Variants in SRFBP1 observed in about 807,000 individuals in gnomAD.
The protein encoded by SRFBP1 is serum response factor binding protein 1.
Under a neutral mutation model 45.5 loss-of-function variants are expected in SRFBP1, and 47 were observed. The ratio of observed to expected loss-of-function variants is 1.03; its 90% CI spans 0.82 to 1.32. SRFBP1 has a LOEUF of 1.32. Among genes scored for constraint, SRFBP1 ranks in the 40% most tolerant of loss-of-function variants. The pLI is 0.00. For missense variants in SRFBP1, 621 were observed against 484.6 expected, an observed-to-expected ratio of 1.28 and a Z score of -2.64; for synonymous variants, 203 against 166.3, an observed-to-expected ratio of 1.22 and a Z score of -1.70.
At chr5:121,981,234 A>G (rs180922831) in intron 3 of SRFBP1, among the ~76,000 whole-genome samples, 2,811 of 152,206 alleles carry the variant, frequency 0.018, 63 homozygotes, top group Middle Eastern at 0.054. Flanking sequence ...ATGAAGAAGA[A>G]TAAGTAAAAG....
intron 2 of SRFBP1, among the ~76,000 whole-genome samples, chr5:122,044,858 T>C (rs1256451851): frequency 6.6e-6 from 1 of 151,876 alleles, no homozygotes; most frequent in Non-Finnish European, 1.5e-5. Flanking sequence ...AGCTCTTTAA[T>C]TTAACTAGGT....
intron 2 of SRFBP1, among the ~76,000 whole-genome samples, chr5:122,034,787 C>CT (rs1216189128): frequency 6.6e-6 from 1 of 151,292 alleles, no homozygotes; most frequent in Admixed American, 6.6e-5. Context: ...AAAAAAAAGA[C>CT]TCATGGAAAG....
rs561359097 is a variant in SRFBP1, at chr5:122,042,705, A to G, written n.311+20298A>G. Among the ~76,000 whole-genome samples, 6 of 152,264 alleles carry G rather than the reference A, an allele frequency of 3.9e-5. No homozygotes were observed. In the South Asian group the frequency reaches 1.2e-3, roughly 32 times the overall value. On this transcript the variant is annotated intron_variant and non_coding_transcript_variant, in intron 2 of 2. Transcript: ENST00000504881. ...TTTTTCTTTGTGTGCTCTTTTAGCC[A>G]TATCCCATAGGTTCCAATGCATTGT... is the stretch of plus-strand genomic sequence containing the variant.
At chr5:122,022,337 TA>T (rs1180945030) in intron 6 of SRFBP1, 32 bp from the exon 7 acceptor site, 11 of 1,575,978 alleles carry the variant, frequency 7.0e-6, no homozygotes, top group Admixed American at 1.8e-5. Flanking sequence ...GATTTATCTT[TA>T]AAAAGTCATA....
intron 2 of SRFBP1, chr5:122,064,335 A>G (rs1191766142): frequency 1.3e-5 from 2 of 151,936 alleles, no homozygotes; most frequent in Admixed American, 1.3e-4. Flanking sequence ...AAGTTCAGTA[A>G]TACAGAGTGT....
At chr5:122,001,388 ATTTTTTATT>A (rs1561587103) in intron 4 of SRFBP1, among the ~76,000 whole-genome samples, 1 of 147,524 alleles carries the variant, frequency 6.8e-6, no homozygotes, top group African/African-American at 2.5e-5. Context: ...TTTTATTTTT[ATTTTTTATT>A]TTTTTTATTT....
At chr5:122,029,678 G>GT (rs1287114087), downstream of SRFBP1, among the ~76,000 whole-genome samples, 2 of 152,160 alleles carry the variant, frequency 1.3e-5, no homozygotes, top group African/African-American at 4.8e-5. Context: ...CAGTGAGCTG[G>GT]TATACTTGTA....
At chr5:122,005,791 A>G (rs1017100938) in intron 4 of SRFBP1, among the ~76,000 whole-genome samples, 1 of 152,048 alleles carries the variant, frequency 6.6e-6, no homozygotes, top group African/African-American at 2.4e-5. Flanking sequence ...CTTTGATCAT[A>G]TTTAAAAACT....
chr5:121,974,020 T>C (rs889564263), intron 1 of SRFBP1, among the ~76,000 whole-genome samples, 176 bp from the exon 2 acceptor site: 11 of 151,892 alleles, frequency 7.2e-5, no homozygotes, highest in African/African-American at 2.7e-4. Context: ...TTTAGACTGT[T>C]GATTTATTCC....
chr5:122,027,248 A>G lies in SRFBP1; in HGVS notation c.*122A>G. ...CAATCACAGCTCACTGCAGCCTCAA[A>G]CTCCTGGGCTCAAGTGATCCTCCCA... is the stretch of plus-strand genomic sequence containing the variant. On this transcript the variant is annotated 3_prime_UTR_variant, in exon 8 of 8. Transcript: ENST00000339397. 1.3e-6 allele frequency: 1 copy of G among 768,006 alleles called. No homozygotes were observed. Among genetic ancestry groups the G allele is most frequent in the Non-Finnish European group, 2.0e-6 (1 of 496,816 alleles). The allele number at this position is 768,006 out of a possible 1,614,324, so 47.6% of individuals were successfully genotyped here.
intron 1 of SRFBP1, among the ~76,000 whole-genome samples, chr5:121,966,619 G>A (rs1016854065): frequency 2.6e-5 from 4 of 152,132 alleles, no homozygotes; most frequent in Admixed American, 1.3e-4. Context: ...TGCAAAACTA[G>A]AGCTAGATTT....
intron 3 of SRFBP1, among the ~76,000 whole-genome samples, chr5:121,989,535 G>A (rs1041729261): frequency 2.6e-5 from 4 of 152,210 alleles, no homozygotes; most frequent in African/African-American, 9.6e-5. Flanking sequence ...TGTGGTGCAT[G>A]CGGGACTAGG....
chr5:122,011,596 A>C (rs558391333), intron 4 of SRFBP1, among the ~76,000 whole-genome samples: 2 of 152,274 alleles, frequency 1.3e-5, no homozygotes, highest in African/African-American at 4.8e-5. Context: ...GAAGCCTATC[A>C]CATTCTGCCT....
intron 2 of SRFBP1, among the ~76,000 whole-genome samples, chr5:122,050,983 G>C (rs1009697112): frequency 1.3e-5 from 2 of 152,040 alleles, no homozygotes; most frequent in African/African-American, 4.8e-5. Flanking sequence ...AGAATTTCTT[G>C]GTTGCTGCCT....
intron 2 of SRFBP1, among the ~76,000 whole-genome samples, chr5:122,058,731 G>T (rs2152580857): frequency 6.6e-6 from 1 of 152,132 alleles, no homozygotes; most frequent in East Asian, 1.9e-4. Context: ...GTAGAAATTT[G>T]GCCTCTCATG....
chr5:122,044,909 T>C (rs1331175451), intron 2 of SRFBP1, among the ~76,000 whole-genome samples: 1 of 152,168 alleles, frequency 6.6e-6, no homozygotes, highest in Non-Finnish European at 1.5e-5. Flanking sequence ...TTACTTTCAG[T>C]ATCTTTGTCA....
intron 4 of SRFBP1, among the ~76,000 whole-genome samples, chr5:122,005,944 C>T (rs1463503928): frequency 1.3e-5 from 2 of 152,190 alleles, no homozygotes; most frequent in African/African-American, 4.8e-5. Flanking sequence ...TGCACACCCC[C>T]ATTTAGAGTA....
intron 3 of SRFBP1, among the ~76,000 whole-genome samples, chr5:121,976,874 A>T (rs1341874096): frequency 6.7e-6 from 1 of 150,236 alleles, no homozygotes; most frequent in South Asian, 2.1e-4. Flanking sequence ...TTTTATATAT[A>T]TAAAAAATAT....
chr5:121,969,521 A>C (rs1332823424), intron 1 of SRFBP1, among the ~76,000 whole-genome samples: 1 of 151,712 alleles, frequency 6.6e-6, no homozygotes, highest in Admixed American at 6.6e-5. Context: ...TCTTTTCTCA[A>C]ATAGCTATAT....
Sources: gnomAD v4.1 joint callset for allele counts (sites outside exome capture counted in the v4.1 genomes callset) on GRCh38, gnomAD v4.1.1 for gene constraint, MANE v1.5 for transcripts, NCBI Gene and HGNC (gene_info 2026-07-23, HGNC 2026-07-21) for gene names.